Variants in CXCL13 observed in about 807,000 individuals in gnomAD.
CXCL13 encodes C-X-C motif chemokine ligand 13, also known as C-X-C motif chemokine 13.
Under a neutral mutation model 12.2 loss-of-function variants are expected in CXCL13, and 7 were observed. The ratio of observed to expected loss-of-function variants is 0.57; its 90% CI spans 0.33 to 1.07. CXCL13 has a LOEUF of 1.07. Among genes scored for constraint, CXCL13 ranks in the 50% least tolerant of loss-of-function variants. The probability of loss-of-function intolerance (pLI) is 0.04; values close to 1 mark genes in which losing one functional copy is unlikely to be tolerated. For missense variants in CXCL13, 113 were observed against 127.4 expected (o/e 0.89, Z 0.55); for synonymous variants, 47 against 42.4 (o/e 1.11, Z -0.42).
At chr4:77,608,396 C>T (rs1204177800) in intron 2 of CXCL13, among the ~76,000 whole-genome samples, 1 of 151,346 alleles carries the variant, frequency 6.6e-6, no homozygotes, top group African/African-American at 2.4e-5. Context: ...GCCGAGATCA[C>T]GCCATTGCAC....
intron 1 of CXCL13, among the ~76,000 whole-genome samples, chr4:77,536,685 G>T (rs1417607396): frequency 6.6e-6 from 1 of 152,122 alleles, no homozygotes; most frequent in African/African-American, 2.4e-5. Context: ...AAGATTACAA[G>T]GTGCAAAGTG....
intron 1 of CXCL13, among the ~76,000 whole-genome samples, chr4:77,540,829 C>A (rs952556427): frequency 3.3e-5 from 5 of 152,130 alleles, no homozygotes; most frequent in Admixed American, 3.3e-4. Context: ...TTTGAGAAGT[C>A]TCTAAACTGC....
At chr4:77,552,366 G>C (rs1013397115) in intron 1 of CXCL13, among the ~76,000 whole-genome samples, 1 of 151,978 alleles carries the variant, frequency 6.6e-6, no homozygotes, top group Non-Finnish European at 1.5e-5. Context: ...TGCTTCTATA[G>C]TCCTGTGCAT....
At chr4:77,604,987 T>C (rs1726970045), upstream of CXCL13, among the ~76,000 whole-genome samples, 1 of 152,178 alleles carries the variant, frequency 6.6e-6, no homozygotes, top group African/African-American at 2.4e-5. Context: ...AGCTGTGGGC[T>C]GATTGTCCCC....
intron 1 of CXCL13, among the ~76,000 whole-genome samples, chr4:77,559,207 G>T (rs529369343): frequency 3.3e-5 from 5 of 152,300 alleles, no homozygotes; most frequent in Non-Finnish European, 5.9e-5. Flanking sequence ...CATATAGAAG[G>T]TTTATCAGGA....
chr4:77,588,105 A>G (rs1726521465), intron 1 of CXCL13, among the ~76,000 whole-genome samples: 1 of 151,508 alleles, frequency 6.6e-6, no homozygotes, highest in Non-Finnish European at 1.5e-5. Flanking sequence ...CATATCTTGA[A>G]TTTTTTTCTT....
chr4:77,520,999 G>C (rs1048605472), intron 1 of CXCL13, among the ~76,000 whole-genome samples: 4 of 152,310 alleles, frequency 2.6e-5, no homozygotes, highest in East Asian at 1.9e-4. Context: ...CACTGGTTCT[G>C]TGTATGTGAT....
chr4:77,522,363 T>C (rs141838919), intron 1 of CXCL13, among the ~76,000 whole-genome samples: 1 of 151,922 alleles, frequency 6.6e-6, no homozygotes, highest in Non-Finnish European at 1.5e-5. Context: ...TGAATCTGGG[T>C]GCTCCTGTAT....
At chr4:77,530,715 C>T (rs1724891243) in intron 1 of CXCL13, among the ~76,000 whole-genome samples, 1 of 151,966 alleles carries the variant, frequency 6.6e-6, no homozygotes, top group Non-Finnish European at 1.5e-5. Context: ...TTGATCTTTT[C>T]AAAAAACCAG....
rs1407886454 is a variant in CXCL13 at position 77,572,446 on chromosome 4, C to T, written c.-42-33378C>T. Among the ~76,000 whole-genome samples, 8 of 151,610 alleles carry T rather than the reference C, an allele frequency of 5.3e-5. No individual in the cohort carries two copies. In the East Asian group the frequency reaches 1.5e-3, roughly 29 times the overall value. On this transcript the variant is annotated intron_variant, in intron 1 of 4. Transcript: ENST00000286758. ...ACAAAGGACATGAACAGACACTTTT[C>T]AAAAGAAGACATACATGTGGTCAAC...
chr4:77,528,332 A>C (rs1043089815), intron 1 of CXCL13, among the ~76,000 whole-genome samples: 2 of 152,332 alleles, frequency 1.3e-5, no homozygotes, highest in African/African-American at 4.8e-5. Flanking sequence ...TTCTAGTTCT[A>C]GATCCCTGAG....
chr4:77,599,845 G>A (rs1247974084), intron 1 of CXCL13, among the ~76,000 whole-genome samples: 1 of 152,192 alleles, frequency 6.6e-6, no homozygotes, highest in African/African-American at 2.4e-5. Context: ...CAGTTAGCAA[G>A]CTATTGAAGT....
intron 1 of CXCL13, among the ~76,000 whole-genome samples, chr4:77,532,083 A>G (rs1407928247): frequency 1.3e-5 from 2 of 152,096 alleles, no homozygotes; most frequent in African/African-American, 4.8e-5. Context: ...ATTTGATGCT[A>G]TCATTATGAT....
chr4:77,561,045 T>C (rs886243390), intron 1 of CXCL13, among the ~76,000 whole-genome samples: 6 of 152,252 alleles, frequency 3.9e-5, no homozygotes, highest in African/African-American at 1.4e-4. Context: ...CATTTAAGGC[T>C]AACAGTTCTC....
chr4:77,533,937 C>T (rs1352091625), intron 1 of CXCL13, among the ~76,000 whole-genome samples: 3 of 152,206 alleles, frequency 2.0e-5, no homozygotes, highest in African/African-American at 7.2e-5. Context: ...TCTGTCACCC[C>T]TTTCTTTGAT....
chr4:77,558,192 C>G (rs1436151031), intron 1 of CXCL13, among the ~76,000 whole-genome samples: 5 of 152,250 alleles, frequency 3.3e-5, no homozygotes, highest in African/African-American at 1.2e-4. Flanking sequence ...TAAGATGCCT[C>G]TGGCTGTTTT....
chr4:77,541,168 GCA>G (rs1190760855), intron 1 of CXCL13, among the ~76,000 whole-genome samples: 1 of 152,076 alleles, frequency 6.6e-6, no homozygotes, highest in Non-Finnish European at 1.5e-5. Flanking sequence ...TTTGTTGGAT[GCA>G]CAGTTTGTGA....
chr4:77,587,224 G>A (rs559594435), intron 1 of CXCL13, among the ~76,000 whole-genome samples: 22 of 152,148 alleles, frequency 1.4e-4, no homozygotes, highest in Non-Finnish European at 2.6e-4. Flanking sequence ...GGCTCTGTTG[G>A]AACATTCCCT....
intron 1 of CXCL13, among the ~76,000 whole-genome samples, chr4:77,513,409 G>A (rs1400840854): frequency 6.6e-6 from 1 of 151,890 alleles, no homozygotes; most frequent in Admixed American, 6.6e-5. Context: ...CAGTGTAAAA[G>A]CATTCCTATT....
Sources: gnomAD v4.1 joint callset for allele counts (sites outside exome capture counted in the v4.1 genomes callset) on GRCh38, gnomAD v4.1.1 for gene constraint, MANE v1.5 for transcripts, NCBI Gene and HGNC (gene_info 2026-07-23, HGNC 2026-07-21) for gene names.